The following AGAP1 variants were observed in gnomAD, a reference collection of about 807,000 sequenced individuals.
AGAP1 encodes arf-GAP with GTPase, ANK repeat and PH domain-containing protein 1.
In AGAP1, 29 loss-of-function variants were observed where a neutral mutation model predicts 105.3. The ratio of observed to expected loss-of-function variants is 0.28; its 90% CI spans 0.21 to 0.38. The LOEUF (loss-of-function observed/expected upper bound fraction) is 0.38. Among genes scored for constraint, AGAP1 ranks in the 10% least tolerant of loss-of-function variants. The pLI is 1.00. For synonymous variants in AGAP1, 509 were observed against 485.9 expected (o/e 1.05, Z -0.63); for missense variants, 998 against 1,165.1 (o/e 0.86, Z 2.09).
At chr2:235,567,458 C>T (rs1046318450) in intron 1 of AGAP1, among the ~76,000 whole-genome samples, 4 of 152,274 alleles carry the variant, frequency 2.6e-5, no homozygotes, top group African/African-American at 9.6e-5. Context: ...AGTCACTGTC[C>T]CTGGGAGAGG....
At chr2:235,956,512 GAA>G (rs1009266933) in intron 12 of AGAP1, among the ~76,000 whole-genome samples, 1 of 146,206 alleles carries the variant, frequency 6.8e-6, no homozygotes. Context: ...CCTCTGGCAT[GAA>G]AAAAAAAAAC....
intron 11 of AGAP1, among the ~76,000 whole-genome samples, chr2:235,918,652 C>G (rs1384256890): frequency 6.6e-6 from 1 of 152,168 alleles, no homozygotes; most frequent in Non-Finnish European, 1.5e-5. Context: ...TTGTTATCCT[C>G]TCTTAGTTTT....
At chr2:235,581,358 C>T (rs1944926511) in intron 1 of AGAP1, among the ~76,000 whole-genome samples, 1 of 149,748 alleles carries the variant, frequency 6.7e-6, no homozygotes, top group South Asian at 2.1e-4. Flanking sequence ...GGAGGTTGCA[C>T]ACTGTTCAGT....
intron 16 of AGAP1, among the ~76,000 whole-genome samples, chr2:236,079,047 A>T (rs925888110): frequency 6.6e-6 from 1 of 152,126 alleles, no homozygotes; most frequent in Non-Finnish European, 1.5e-5. Flanking sequence ...AAACAGCCTG[A>T]TCTACACCCC....
intron 12 of AGAP1, among the ~76,000 whole-genome samples, chr2:235,952,677 C>T (rs1236517317): frequency 6.6e-6 from 1 of 152,118 alleles, no homozygotes; most frequent in Non-Finnish European, 1.5e-5. Flanking sequence ...CAGTGCCTCC[C>T]CCTGAGTGGC....
intron 1 of AGAP1, among the ~76,000 whole-genome samples, chr2:235,568,943 A>G (rs1229216045): frequency 6.6e-6 from 1 of 152,196 alleles, no homozygotes; most frequent in African/African-American, 2.4e-5. Flanking sequence ...CTGTGATTAC[A>G]TTGAACCCAC....
intron 17 of AGAP1, among the ~76,000 whole-genome samples, chr2:236,122,680 ATTTT>A (rs71039713): frequency 8.1e-6 from 1 of 123,604 alleles, no homozygotes; most frequent in Admixed American, 8.6e-5. Flanking sequence ...TCCAGTGACA[ATTTT>A]TTTTTTTTTT....
rs2059712536 is a variant in AGAP1, at chr2:236,114,019, C to T, written c.2115-6173C>T. On this transcript the variant is annotated intron_variant, in intron 16 of 17. Coordinates refer to ENST00000304032, the MANE Select transcript of AGAP1 (RefSeq NM_001037131.3). This position sits in a 1 kb window ranked among gnomAD's most constrained non-coding sequence, Gnocchi z 5.0. ...CCATTCCCTCATTTTCCCTCACTCT[C>T]CTGCGGCTGATTTATTTAAAGGTGT... Among the ~76,000 whole-genome samples the T allele has an allele frequency of 1.3e-5, 2 of 152,172 alleles. No individual in the cohort carries two copies. The highest frequency in any genetic ancestry group is 1.3e-4 in the Admixed American group (2 of 15,272).
chr2:235,679,841 A>G (rs1227774690), intron 1 of AGAP1, among the ~76,000 whole-genome samples: 1 of 152,250 alleles, frequency 6.6e-6, no homozygotes, highest in Non-Finnish European at 1.5e-5. Context: ...GTAAGAAAGC[A>G]CTGACACAGT....
intron 1 of AGAP1, among the ~76,000 whole-genome samples, chr2:235,624,838 C>T (rs964373282): frequency 6.6e-6 from 1 of 152,030 alleles, no homozygotes; most frequent in African/African-American, 2.4e-5. Flanking sequence ...TGGTGATGAG[C>T]GAGTTCTTGC....
chr2:235,560,731 C>A (rs896192941), intron 1 of AGAP1, among the ~76,000 whole-genome samples: 1 of 152,184 alleles, frequency 6.6e-6, no homozygotes. Flanking sequence ...CCTGCTGACA[C>A]CTAAGCCTGG....
In AGAP1 at chr2:235,566,958, T is replaced by G. The variant is rs1322164085; in HGVS notation, c.163+72109T>G. The stretch of plus-strand genomic sequence containing the variant: ...GGCCTCTGGTGGCCCCTGGCAATCC[T>G]TGGTGTCCCATCCAGCTGCATCACT... On this transcript the variant is annotated intron_variant, in intron 1 of 17. Coordinates refer to ENST00000304032, the MANE Select transcript of AGAP1 (RefSeq NM_001037131.3). This position sits in a 1 kb window ranked among gnomAD's most constrained non-coding sequence, Gnocchi z 5.2. 3.3e-5 allele frequency among the ~76,000 whole-genome samples: 5 copies of G among 152,204 alleles called. No individual in the cohort carries two copies. The highest frequency in any genetic ancestry group is 1.2e-4 in the African/African-American group (5 of 41,464).
At chr2:235,870,363 G>C (rs1397408702) in intron 9 of AGAP1, among the ~76,000 whole-genome samples, 3 of 152,162 alleles carry the variant, frequency 2.0e-5, no homozygotes, top group African/African-American at 7.2e-5. Flanking sequence ...AAAAGGTGGA[G>C]AGGCTGTAAT....
At position 235,883,295 on chromosome 2, in the gene AGAP1, C is replaced by T. The variant is rs1264946335; in HGVS notation, c.1051-50C>T. ...TATGTTGCCTGTGTACCTGCCTTTT[C>T]TTTTTTTTATTTACATTAGAATTTC... On this transcript the variant is annotated intron_variant, in intron 9 of 17. Coordinates refer to ENST00000304032, the MANE Select transcript of AGAP1 (RefSeq NM_001037131.3). The surrounding 1 kb of genome is among the most constrained non-coding windows in gnomAD (Gnocchi z 4.5). 6.4e-7 allele frequency: 1 copy of T among 1,561,204 alleles called. No individual in the cohort carries two copies. The highest frequency in any genetic ancestry group is 8.8e-7 in the Non-Finnish European group (1 of 1,135,834).
At position 235,874,880 on chromosome 2, in the gene AGAP1, G is replaced by C; in HGVS notation, c.1051-8465G>C. On this transcript the variant is annotated intron_variant, in intron 9 of 17. Transcript: ENST00000304032. The surrounding 1 kb of genome is among the most constrained non-coding windows in gnomAD (Gnocchi z 4.5). ...AGGCAGAGGATGAGTTTAAAAACTG[G>C]TACTAAAATACCCTCTTATCAGAGA... is the stretch of plus-strand genomic sequence containing the variant. 6.6e-6 allele frequency among the ~76,000 whole-genome samples: 1 copy of C among 152,196 alleles called. No individual in the cohort carries two copies. The highest frequency in any genetic ancestry group is 1.5e-5 in the Non-Finnish European group (1 of 68,032).
chr2:235,595,077 T>C (rs1310630864), intron 1 of AGAP1, among the ~76,000 whole-genome samples: 2 of 152,116 alleles, frequency 1.3e-5, no homozygotes, highest in African/African-American at 4.8e-5. Flanking sequence ...AGGGGCCTGT[T>C]GCAGACCTGA....
In AGAP1 at chr2:235,741,725, GTTATTA is replaced by G. The variant is rs533667014; in HGVS notation, c.396+686_396+691del. Among the ~76,000 whole-genome samples, 1,196 of 149,734 alleles carry G rather than the reference GTTATTA, an allele frequency of 8.0e-3. 18 individuals carry two copies. The highest frequency in any genetic ancestry group is 0.028 in the African/African-American group (1,137 of 40,944). On this transcript the variant is annotated intron_variant, in intron 4 of 17. Coordinates refer to ENST00000304032, the MANE Select transcript of AGAP1 (RefSeq NM_001037131.3). This position sits in a 1 kb window ranked among gnomAD's most constrained non-coding sequence, Gnocchi z 4.9. ...TGTTATTATTATTATTGTTGTTGTTGTTATTATTATTATTGTTATTTTTTATTATTT... is the reference window on the plus strand; with the variant it reads ...TGTTATTATTATTATTGTTGTTGTTGTTATTATTGTTATTTTTTATTATTT...
intron 16 of AGAP1, among the ~76,000 whole-genome samples, chr2:236,070,542 T>G (rs1379514201): frequency 6.6e-6 from 1 of 152,158 alleles, no homozygotes; most frequent in Non-Finnish European, 1.5e-5. Context: ...GGAAACAAAC[T>G]AAAATGTCTA....
At chr2:235,710,102 G>C (rs548136729) in intron 2 of AGAP1, among the ~76,000 whole-genome samples, 37 of 152,284 alleles carry the variant, frequency 2.4e-4, no homozygotes, top group African/African-American at 6.5e-4. Flanking sequence ...CTGTTCTGCA[G>C]ACTCCGGCAT....
Sources: gnomAD v4.1 joint callset for allele counts (sites outside exome capture counted in the v4.1 genomes callset) on GRCh38, gnomAD v4.1.1 for gene constraint, Gnocchi (gnomAD v3.1) non-coding constraint, MANE v1.5 for transcripts, NCBI Gene and HGNC (gene_info 2026-07-23, HGNC 2026-07-21) for gene names.